EIPR1: variants seen among roughly 807,000 people sequenced by gnomAD.
EIPR1 encodes EARP complex and GARP complex interacting protein 1.
Under a neutral mutation model 48.1 loss-of-function variants are expected in EIPR1, and 25 were observed. The ratio of observed to expected loss-of-function variants is 0.52; its 90% confidence interval spans 0.38 to 0.73. The LOEUF (loss-of-function observed/expected upper bound fraction) is 0.73. Among genes scored for constraint, EIPR1 ranks in the 30% least tolerant of loss-of-function variants. The pLI is 0.00. For missense variants in EIPR1, 415 were observed against 506.2 expected (o/e 0.82, Z 1.73); for synonymous variants, 204 against 201.9 (o/e 1.01, Z -0.09).
At chr2:3,362,874 C>G (rs4444566) in intron 1 of EIPR1, among the ~76,000 whole-genome samples, 26,729 of 152,032 alleles carry the variant, frequency 0.18, 2,411 homozygotes, top group Non-Finnish European at 0.2. Context: ...ATGCTGAAAC[C>G]CTGGAGGGGA....
intron 3 of EIPR1, among the ~76,000 whole-genome samples, chr2:3,300,326 T>C (rs1668728385): frequency 1.3e-5 from 2 of 152,224 alleles, no homozygotes; most frequent in Non-Finnish European, 2.9e-5. Flanking sequence ...TGATTACATA[T>C]GAATGGCTGG....
At chr2:3,277,703 C>T (rs1019768597) in intron 3 of EIPR1, among the ~76,000 whole-genome samples, 6 of 152,240 alleles carry the variant, frequency 3.9e-5, no homozygotes, top group South Asian at 2.1e-4. Flanking sequence ...GGGGTCCCTG[C>T]CAGGCGCTGC....
intron 3 of EIPR1, among the ~76,000 whole-genome samples, chr2:3,269,486 G>GCACTCAATCATCA (rs1340467381): frequency 1.5e-5 from 2 of 137,674 alleles, no homozygotes; most frequent in Admixed American, 7.4e-5. Flanking sequence ...CTCAGTCATC[G>GCACTCAATCATCA]CACTCAATCA....
Position 3,208,703 on chromosome 2 carries a change from G to A in EIPR1, c.516+5446C>T, listed in dbSNP as rs771737677. The A allele has an allele frequency of 3.5e-5, 55 of 1,550,260 alleles. No individual in the cohort carries two copies. In the East Asian group the frequency reaches 3.7e-4, roughly 10 times the overall value. The stretch of plus-strand genomic sequence containing the variant: ...ACCCCAATTCCCCCAGGAAACACTC[G>A]GCGGGTCCTTCTTCCATGCGTGAGG... On this transcript the variant is annotated intron_variant, in intron 5 of 8. Coordinates refer to ENST00000382125, the MANE Select transcript of EIPR1 (RefSeq NM_003310.5).
intron 4 of EIPR1, among the ~76,000 whole-genome samples, chr2:3,218,298 A>G (rs1367895162): frequency 4.1e-4 from 54 of 132,456 alleles, no homozygotes; most frequent in Middle Eastern, 4.8e-3. Context: ...GCCCTGATAC[A>G]CTCTAGAGCT....
intron 4 of EIPR1, among the ~76,000 whole-genome samples, chr2:3,242,026 C>T (rs13404838): frequency 0.015 from 2,315 of 152,190 alleles, 54 homozygotes; most frequent in African/African-American, 0.053. Context: ...CTAGCCCCGC[C>T]GTCATGTAGG....
intron 3 of EIPR1, among the ~76,000 whole-genome samples, chr2:3,288,847 A>G (rs1668284604): frequency 6.6e-6 from 1 of 152,208 alleles, no homozygotes. Flanking sequence ...CTGGTGCACC[A>G]GCCATTCCTG....
intron 3 of EIPR1, among the ~76,000 whole-genome samples, chr2:3,325,955 C>T (rs964402657): frequency 6.6e-6 from 1 of 152,222 alleles, no homozygotes; most frequent in African/African-American, 2.4e-5. Flanking sequence ...GTCAGTGAGC[C>T]GTGAGGGCGG....
At chr2:3,251,979 T>C (rs532806604) in intron 4 of EIPR1, among the ~76,000 whole-genome samples, 2 of 152,292 alleles carry the variant, frequency 1.3e-5, no homozygotes, top group South Asian at 4.2e-4. Flanking sequence ...CAGATACCTT[T>C]ACCTTAATCT....
chr2:3,362,387 C>T (rs1335721042), intron 1 of EIPR1, among the ~76,000 whole-genome samples: 3 of 152,212 alleles, frequency 2.0e-5, no homozygotes, highest in Non-Finnish European at 4.4e-5. Flanking sequence ...TCTCCATCCC[C>T]ACCCTCCTCT....
At chr2:3,371,929 A>AT (rs576417515) in intron 1 of EIPR1, among the ~76,000 whole-genome samples, 17 of 152,138 alleles carry the variant, frequency 1.1e-4, no homozygotes, top group African/African-American at 4.1e-4. Flanking sequence ...CAGAATATAC[A>AT]TTTTTTTCAG....
At position 3,257,280 on chromosome 2, in the gene EIPR1, G is replaced by A; in HGVS notation, c.416+19C>T. The A allele has an allele frequency of 6.2e-7, 1 of 1,607,994 alleles. No individual in the cohort carries two copies. The highest frequency in any genetic ancestry group is 1.1e-5 in the South Asian group (1 of 90,670). On this transcript the variant is annotated intron_variant, in intron 4 of 8. Coordinates refer to ENST00000382125, the MANE Select transcript of EIPR1 (RefSeq NM_003310.5). ...ACCTGCAGGCTCGTTCTGGGCGCATGAAATATGCAAAATCCTACCAGGCCA... is the reference window on the plus strand; with the variant it reads ...ACCTGCAGGCTCGTTCTGGGCGCATAAAATATGCAAAATCCTACCAGGCCA...
At position 3,265,280 on chromosome 2, in the gene EIPR1, G is replaced by A. The variant is rs556725839; in HGVS notation, c.260-7825C>T. Among the ~76,000 whole-genome samples, 16 of 152,236 alleles carry A rather than the reference G, an allele frequency of 1.1e-4. No homozygotes were observed. In the South Asian group the frequency reaches 3.1e-3, roughly 30 times the overall value. ...GTTGCTGAGTAAGGAGTGTGCTTGGGGCTCAGGAAATACAGTTGGCATTCC... is the reference window on the plus strand; with the variant it reads ...GTTGCTGAGTAAGGAGTGTGCTTGGAGCTCAGGAAATACAGTTGGCATTCC... On this transcript the variant is annotated intron_variant, in intron 3 of 8. Transcript: ENST00000382125.
At chr2:3,206,060 T>C (rs1199345215) in intron 5 of EIPR1, among the ~76,000 whole-genome samples, 3 of 152,044 alleles carry the variant, frequency 2.0e-5, no homozygotes, top group Admixed American at 6.6e-5. Flanking sequence ...GCGATGGAAA[T>C]GAAATCTGCT....
intron 4 of EIPR1, among the ~76,000 whole-genome samples, chr2:3,230,481 T>C (rs948799089): frequency 1.3e-5 from 2 of 152,170 alleles, no homozygotes; most frequent in East Asian, 3.8e-4. Flanking sequence ...ATCCACCACA[T>C]GAGGTTAGGT....
chr2:3,358,681 C>T (rs781096616), intron 1 of EIPR1, among the ~76,000 whole-genome samples: 28 of 152,178 alleles, frequency 1.8e-4, no homozygotes, highest in Non-Finnish European at 4.0e-4. Context: ...GAGCCTCTGA[C>T]GCTATCCAAT....
At chr2:3,299,628 A>T (rs1046715308) in intron 3 of EIPR1, among the ~76,000 whole-genome samples, 45 of 147,758 alleles carry the variant, frequency 3.0e-4, no homozygotes, top group Middle Eastern at 3.4e-3. Flanking sequence ...TCTCTCTCAC[A>T]CACACACACA....
At chr2:3,303,526 G>A (rs1164413087) in intron 3 of EIPR1, among the ~76,000 whole-genome samples, 1 of 152,234 alleles carries the variant, frequency 6.6e-6, no homozygotes, top group African/African-American at 2.4e-5. Context: ...TGCCACGTCT[G>A]AATCAGTCTC....
chr2:3,284,422 C>T (rs1324721955), intron 3 of EIPR1, among the ~76,000 whole-genome samples: 2 of 115,534 alleles, frequency 1.7e-5, no homozygotes, highest in Non-Finnish European at 3.8e-5. Flanking sequence ...GAGATGGGGC[C>T]GGAGGCCACC....
Sources: gnomAD v4.1 joint callset for allele counts (sites outside exome capture counted in the v4.1 genomes callset) on GRCh38, gnomAD v4.1.1 for gene constraint, MANE v1.5 for transcripts, NCBI Gene and HGNC (gene_info 2026-07-23, HGNC 2026-07-21) for gene names.